Variants in PRKN observed in about 807,000 individuals in gnomAD.
The protein encoded by PRKN is parkin RBR E3 ubiquitin protein ligase, also known as E3 ubiquitin-protein ligase parkin.
Under a neutral mutation model 59.5 loss-of-function variants are expected in PRKN, and 56 were observed. That is an observed-to-expected ratio of 0.94 (90% CI 0.76 to 1.18). The LOEUF (loss-of-function observed/expected upper bound fraction) is 1.18, where lower values mean the gene tolerates loss of function less well. PRKN is among the 50% of genes most tolerant of loss of function. PRKN has a pLI of 0.00. For missense variants in PRKN, 657 were observed against 596.4 expected, an observed-to-expected ratio of 1.10 and a Z score of -1.06; for synonymous variants, 250 against 222.1, an observed-to-expected ratio of 1.13 and a Z score of -1.12.
rs375893131 is a variant in PRKN at position 161,883,047 on chromosome 6, A to G, written c.734+90255T>C. ...ACAACAACAACAAAAAAAAACCAAA[A>G]AAACTCCAGGTAGGTATTTTTTCTT... On this transcript the variant is annotated intron_variant, in intron 6 of 11. Coordinates refer to ENST00000366898, the MANE Select transcript of PRKN (RefSeq NM_004562.3). Among the ~76,000 whole-genome samples the G allele has an allele frequency of 9.9e-4, 151 of 152,140 alleles. 1 individual carries two copies. Among genetic ancestry groups the G allele is most frequent in the Middle Eastern group, 3.4e-3 (1 of 294 alleles).
chr6:161,737,817 G>A (rs1329177781), intron 7 of PRKN, among the ~76,000 whole-genome samples: 2 of 152,198 alleles, frequency 1.3e-5, no homozygotes, highest in Non-Finnish European at 2.9e-5. Flanking sequence ...GGCAGGATGC[G>A]ATTTCTGGCT....
intron 3 of PRKN, among the ~76,000 whole-genome samples, chr6:162,253,067 C>T (rs1316855253): frequency 1.3e-5 from 2 of 152,176 alleles, no homozygotes; most frequent in Admixed American, 6.5e-5. Context: ...GTGGCCAGGA[C>T]GCTGTTGTCT....
intron 6 of PRKN, among the ~76,000 whole-genome samples, chr6:161,815,890 G>A (rs900998144): frequency 1.3e-5 from 2 of 152,162 alleles, no homozygotes; most frequent in East Asian, 1.9e-4. Flanking sequence ...GTAAACCTGC[G>A]CTTTGGAAAA....
intron 1 of PRKN, among the ~76,000 whole-genome samples, chr6:162,485,285 A>G (rs1792489599): frequency 1.3e-5 from 2 of 152,324 alleles, no homozygotes; most frequent in Middle Eastern, 3.4e-3. Flanking sequence ...TTTTACTTAC[A>G]GCATTAAAAC....
At chr6:161,801,416 T>C (rs1791072116) in intron 6 of PRKN, among the ~76,000 whole-genome samples, 1 of 152,156 alleles carries the variant, frequency 6.6e-6, no homozygotes, top group Non-Finnish European at 1.5e-5. Context: ...TGGGGACCCA[T>C]CCATGGAGAG....
Position 161,874,143 on chromosome 6 carries a change from AATATAATATATATTATATATAAT to A in PRKN, c.735-88258_735-88236del, listed in dbSNP as rs1562353921. On this transcript the variant is annotated intron_variant, in intron 6 of 11. Coordinates refer to ENST00000366898, the MANE Select transcript of PRKN (RefSeq NM_004562.3). ...AATATATAATATATATTATATGTAA[AATATAATATATATTATATATAAT>A]ATATAATATATATTATATATAATAT... 1.0e-3 allele frequency among the ~76,000 whole-genome samples: 48 copies of A among 47,390 alleles called. 1 individual carries two copies. The highest frequency in any genetic ancestry group is 5.7e-3 in the East Asian group (9 of 1,572). 31.1% of individuals were successfully genotyped at this position (47,390 alleles called of 152,430 possible).
At chr6:161,844,091 T>G (rs552888380) in intron 6 of PRKN, among the ~76,000 whole-genome samples, 1 of 152,304 alleles carries the variant, frequency 6.6e-6, no homozygotes, top group South Asian at 2.1e-4. Context: ...AATAAGAATT[T>G]TCAGTAACTT....
chr6:161,482,742 A>G (rs1791467649), intron 9 of PRKN, among the ~76,000 whole-genome samples: 1 of 152,178 alleles, frequency 6.6e-6, no homozygotes, highest in Admixed American at 6.5e-5. Context: ...TAATGACCCC[A>G]ATTCTGGCAT....
chr6:162,316,435 G>A (rs1162362792), intron 2 of PRKN, among the ~76,000 whole-genome samples: 2 of 151,962 alleles, frequency 1.3e-5, no homozygotes, highest in Non-Finnish European at 2.9e-5. Flanking sequence ...CTAGAAATAA[G>A]ACCAATTTAA....
At chr6:161,404,875 ATACT>A (rs1359843525) in intron 9 of PRKN, among the ~76,000 whole-genome samples, 3 of 152,226 alleles carry the variant, frequency 2.0e-5, no homozygotes, top group Non-Finnish European at 4.4e-5. Context: ...CGGTAGCAAC[ATACT>A]TCTAAAAACA....
At chr6:162,537,581 C>T (rs995518148) in intron 1 of PRKN, among the ~76,000 whole-genome samples, 2 of 152,158 alleles carry the variant, frequency 1.3e-5, no homozygotes, top group African/African-American at 2.4e-5. Context: ...GGCAATCTGC[C>T]GGCAGGGATC....
chr6:162,319,869 T>C (rs1416076298), intron 2 of PRKN, among the ~76,000 whole-genome samples: 1 of 151,948 alleles, frequency 6.6e-6, no homozygotes, highest in African/African-American at 2.4e-5. Flanking sequence ...ACACTCAACA[T>C]TAGGTAGTCA....
intron 6 of PRKN, among the ~76,000 whole-genome samples, chr6:161,835,296 A>C (rs1792700801): frequency 6.6e-6 from 1 of 152,108 alleles, no homozygotes; most frequent in African/African-American, 2.4e-5. Context: ...ACTTGAGCGT[A>C]TGGTGAGAAG....
chr6:161,375,787 G>C (rs1785671709), intron 10 of PRKN, among the ~76,000 whole-genome samples: 2 of 152,194 alleles, frequency 1.3e-5, no homozygotes, highest in South Asian at 4.1e-4. Flanking sequence ...TCCTGGCACT[G>C]ACTCAGCTTT....
At chr6:162,608,426 G>C (rs746091439) in intron 1 of PRKN, among the ~76,000 whole-genome samples, 2 of 152,168 alleles carry the variant, frequency 1.3e-5, no homozygotes, top group Non-Finnish European at 2.9e-5. Flanking sequence ...GGTGTCGGAT[G>C]CTAAATCTCC....
intron 3 of PRKN, among the ~76,000 whole-genome samples, chr6:162,219,105 C>G (rs1323677099): frequency 6.6e-6 from 1 of 152,124 alleles, no homozygotes; most frequent in African/African-American, 2.4e-5. Context: ...TGGGAGAAAT[C>G]ACTTGAACCC....
chr6:162,727,540 G>A, intron 1 of PRKN, 122 bp downstream of exon 1: 1 of 1,117,476 alleles, frequency 8.9e-7, no homozygotes, highest in Admixed American at 2.1e-5. Flanking sequence ...GGACGGCACG[G>A]GCACTTTGGC....
At chr6:162,688,036 G>A (rs181185201) in intron 1 of PRKN, among the ~76,000 whole-genome samples, 67 of 152,128 alleles carry the variant, frequency 4.4e-4, no homozygotes, top group Non-Finnish European at 7.4e-4. Context: ...TGAATATCAG[G>A]GTACTTTTTA....
chr6:161,513,546 A>G (rs1278603304), intron 9 of PRKN, among the ~76,000 whole-genome samples: 7 of 147,230 alleles, frequency 4.8e-5, no homozygotes, highest in Admixed American at 3.4e-4. Flanking sequence ...TTTTTGAAAG[A>G]GCCCTTTCTG....
Sources: gnomAD v4.1 joint callset for allele counts (sites outside exome capture counted in the v4.1 genomes callset) on GRCh38, gnomAD v4.1.1 for gene constraint, MANE v1.5 for transcripts, NCBI Gene and HGNC (gene_info 2026-07-23, HGNC 2026-07-21) for gene names.